The following XRN1 variants were observed in gnomAD, a reference collection of about 807,000 sequenced individuals.
XRN1 encodes the protein 5'-3' exoribonuclease 1.
Under a neutral mutation model 222.3 loss-of-function variants are expected in XRN1, and 67 were observed. The ratio of observed to expected loss-of-function variants is 0.30; its 90% confidence interval spans 0.25 to 0.37. The LOEUF is 0.37. Among genes scored for constraint, XRN1 ranks in the 10% least tolerant of loss-of-function variants. The pLI is 1.00. For missense variants in XRN1, 1,707 were observed against 2,000.2 expected (o/e 0.85, Z 2.80); for synonymous variants, 643 against 652.4 (o/e 0.99, Z 0.22).
intron 27 of XRN1, among the ~76,000 whole-genome samples, chr3:142,366,810 A>T (rs1189319344): frequency 6.6e-6 from 1 of 152,218 alleles, no homozygotes; most frequent in East Asian, 1.9e-4. Flanking sequence ...AACAACCCAT[A>T]TGCTCTAAGA....
At chr3:142,371,119 G>C in intron 26 of XRN1, 120 bp downstream of exon 26, 1 of 800,824 alleles carries the variant, frequency 1.2e-6, no homozygotes, top group South Asian at 1.7e-5. Context: ...AAGAGAGTAA[G>C]AACCTGTCTC....
intron 33 of XRN1, among the ~76,000 whole-genome samples, chr3:142,339,790 C>T (rs2065940698): frequency 6.6e-6 from 1 of 152,012 alleles, no homozygotes; most frequent in South Asian, 2.1e-4. Context: ...GGGCAAGACC[C>T]TGCCTCAAAA....
At chr3:142,339,789 C>A (rs1255924801) in intron 33 of XRN1, among the ~76,000 whole-genome samples, 1 of 151,902 alleles carries the variant, frequency 6.6e-6, no homozygotes, top group Non-Finnish European at 1.5e-5. Flanking sequence ...AGGGCAAGAC[C>A]CTGCCTCAAA....
intron 37 of XRN1, among the ~76,000 whole-genome samples, chr3:142,323,473 T>C (rs77846404): frequency 0.074 from 11,260 of 152,110 alleles, 1,405 homozygotes; most frequent in African/African-American, 0.26. Context: ...TGAGATACCA[T>C]GCCCGGCCCA....
In XRN1 at chr3:142,423,648, GA is replaced by G; in HGVS notation, c.628-7del. 1.9e-6 allele frequency: 3 copies of G among 1,555,602 alleles called. No homozygotes were observed. Among genetic ancestry groups the G allele is most frequent in the South Asian group, 1.2e-5 (1 of 80,706 alleles). On this transcript the variant is annotated splice_polypyrimidine_tract_variant and splice_region_variant and intron_variant, in intron 5 of 40. Coordinates refer to ENST00000392981, the MANE Select transcript of XRN1 (RefSeq NM_001282857.2). ...CTTGTTAATCCAAGCATAATCTGTT[GA>G]AAAATGATTAAGAAATGTTTTTATT...
Position 142,417,218 on chromosome 3 carries a change from G to A in XRN1, c.1358C>T (p.Ala453Val). ...GVDVVSDDFL[A>V]DQAACYVQAI... ...CTGAACATAACATGCAGCTTGATCA[G>A]CCAGAAAGTCACTGAAAATAGAATA... is the stretch of plus-strand genomic sequence containing the variant. The change falls in exon 13 of 41, where the codon GCT becomes GTT. Residue 453 changes from alanine to valine, a missense_variant. Coordinates refer to ENST00000392981, the MANE Select transcript of XRN1 (RefSeq NM_001282857.2). 5.0e-6 allele frequency: 8 copies of A among 1,613,212 alleles called. No homozygotes were observed. The highest frequency in any genetic ancestry group is 6.8e-6 in the Non-Finnish European group (8 of 1,179,610).
rs370828065 is a variant in XRN1 at position 142,422,919 on chromosome 3, T to C, written c.714A>G (p.Val238=). The part of the protein sequence containing the change: ...VRFGGKKTQR[V]CAPEETTFHL... ...GAAATGTAGTTTCTTCTGGAGCACA[T>C]ACCCTGGAATTAGTCAGATGATCAA... The change falls in exon 7 of 41, where the codon GTA becomes GTG. Residue 238 remains valine (V), a synonymous_variant. Coordinates refer to ENST00000392981, the MANE Select transcript of XRN1 (RefSeq NM_001282857.2). The C allele has an allele frequency of 1.4e-5, 23 of 1,608,934 alleles. No individual in the cohort carries two copies. Among genetic ancestry groups the C allele is most frequent in the Non-Finnish European group, 1.9e-5 (22 of 1,177,046 alleles).
intron 15 of XRN1, among the ~76,000 whole-genome samples, chr3:142,408,084 CG>C (rs1429789718): frequency 1.3e-5 from 2 of 152,326 alleles, no homozygotes. Context: ...GTTCACACAC[CG>C]CTGTCTAGTT....
At chr3:142,374,573 G>C (rs1404871503) in intron 25 of XRN1, among the ~76,000 whole-genome samples, 1 of 152,164 alleles carries the variant, frequency 6.6e-6, no homozygotes, top group East Asian at 1.9e-4. Context: ...CTTCATAAAA[G>C]TTTAGTGAGA....
chr3:142,343,360 A>G (rs977582604), intron 33 of XRN1, among the ~76,000 whole-genome samples: 4 of 152,090 alleles, frequency 2.6e-5, no homozygotes, highest in African/African-American at 9.7e-5. Flanking sequence ...AGGCTGAGGC[A>G]GGAGAATCGC....
chr3:142,375,489 A>G (rs1490838301), intron 25 of XRN1, among the ~76,000 whole-genome samples: 3 of 152,238 alleles, frequency 2.0e-5, no homozygotes, highest in Admixed American at 6.5e-5. Context: ...TTGTTTATCC[A>G]TATCAGTTCT....
intron 15 of XRN1, 36 bp from the exon 16 acceptor site, chr3:142,405,112 T>C: frequency 6.3e-7 from 1 of 1,584,840 alleles, no homozygotes; most frequent in Non-Finnish European, 8.6e-7. Context: ...GTTACAAGCA[T>C]AAAAATTCCA....
At chr3:142,422,401 T>C (rs916927414) in intron 8 of XRN1, among the ~76,000 whole-genome samples, 181 bp downstream of exon 8, 2 of 152,220 alleles carry the variant, frequency 1.3e-5, no homozygotes, top group Admixed American at 1.3e-4. Context: ...CTCTGTTCAC[T>C]TTCTTTCCTT....
chr3:142,333,482 G>C (rs1052870099), intron 34 of XRN1, among the ~76,000 whole-genome samples: 1 of 152,014 alleles, frequency 6.6e-6, no homozygotes, highest in Non-Finnish European at 1.5e-5. Context: ...CATAAGAAAA[G>C]GGGCCTATAA....
chr3:142,331,064 C>T (rs901511593), intron 36 of XRN1, among the ~76,000 whole-genome samples: 18 of 152,162 alleles, frequency 1.2e-4, no homozygotes, highest in African/African-American at 4.1e-4. Context: ...GTGATCCACC[C>T]GCCTTGGCCT....
chr3:142,432,815 G>A lies in XRN1; in HGVS notation c.154C>T (p.His52Tyr). ...QCSHPNDDDV[H>Y]FRISDDKIFT... Reference sequence around the variant, plus strand: ...ATTTTATCATCTGAAATTCTAAAGTGAACATCATCATCATTAGGATGGGAG... The same window carrying A: ...ATTTTATCATCTGAAATTCTAAAGTAAACATCATCATCATTAGGATGGGAG... The change falls in exon 2 of 41, where the codon CAC (histidine) becomes TAC (tyrosine). Residue 52 changes from histidine (H) to tyrosine (Y), a missense_variant. By Grantham distance (83) the His-to-Tyr change is moderately conservative. Coordinates refer to ENST00000392981, the MANE Select transcript of XRN1 (RefSeq NM_001282857.2). 6.2e-7 allele frequency: 1 copy of A among 1,613,880 alleles called. No individual in the cohort carries two copies.
chr3:142,436,494 C>G (rs2069918145), intron 1 of XRN1, among the ~76,000 whole-genome samples: 1 of 152,160 alleles, frequency 6.6e-6, no homozygotes, highest in Non-Finnish European at 1.5e-5. Context: ...CATAACTAAT[C>G]ACAAAGTACG....
At chr3:142,439,529 C>G (rs902324740) in intron 1 of XRN1, among the ~76,000 whole-genome samples, 5 of 152,172 alleles carry the variant, frequency 3.3e-5, no homozygotes, top group African/African-American at 1.2e-4. Flanking sequence ...TCTGGATAGA[C>G]TAAGAGAGGA....
chr3:142,403,835 A>G (rs1430257444), intron 17 of XRN1, 34 bp downstream of exon 17: 6 of 1,611,582 alleles, frequency 3.7e-6, no homozygotes, highest in Non-Finnish European at 5.1e-6. Flanking sequence ...ACACTTAATA[A>G]AGTGAAAAAA....
Sources: gnomAD v4.1 joint callset for allele counts (sites outside exome capture counted in the v4.1 genomes callset) on GRCh38, gnomAD v4.1.1 for gene constraint, MANE v1.5 for transcripts, NCBI Gene and HGNC (gene_info 2026-07-23, HGNC 2026-07-21) for gene names.